Variants in TSNARE1 observed in about 807,000 individuals in gnomAD.
The protein encoded by TSNARE1 is t-SNARE domain-containing protein 1.
Under a neutral mutation model 62.0 loss-of-function variants are expected in TSNARE1, and 49 were observed. The observed-to-expected ratio is 0.79, with a 90% CI of 0.63 to 1.00. TSNARE1 has a LOEUF of 1.00. TSNARE1 is among the 50% of genes least tolerant of loss of function. The pLI is 0.00. For missense variants in TSNARE1, 755 were observed against 700.1 expected (o/e 1.08, Z -0.88); for synonymous variants, 328 against 294.4 (o/e 1.11, Z -1.17).
At chr8:142,330,007 G>A (rs1830781067) in intron 6 of TSNARE1, among the ~76,000 whole-genome samples, 1 of 152,230 alleles carries the variant, frequency 6.6e-6, no homozygotes, top group South Asian at 2.1e-4. Flanking sequence ...GGCCCTCCCG[G>A]CCTCCTCAGT....
At chr8:142,378,825 C>T (rs966672484) in intron 1 of TSNARE1, among the ~76,000 whole-genome samples, 7 of 152,168 alleles carry the variant, frequency 4.6e-5, no homozygotes, top group South Asian at 2.1e-4. Context: ...CCAACGGGCA[C>T]GGGTGTGTTG....
chr8:142,271,624 C>A (rs1282894770), intron 12 of TSNARE1: 2 of 1,427,482 alleles, frequency 1.4e-6, no homozygotes, highest in South Asian at 1.5e-5. Context: ...CAGGTTCAGG[C>A]AGGCTGGGCC....
At position 142,345,639 on chromosome 8, in the gene TSNARE1, G is replaced by GCCT. The variant is rs1833250150; in HGVS notation, c.238+101_238+103dup. Reference sequence around the variant, plus strand: ...GCAGGTCCCTTGCCTCCTGGTCCCAGCCTCCTCCCTGCAGCTCCCACCTGC... The same window carrying GCCT: ...GCAGGTCCCTTGCCTCCTGGTCCCAGCCTCCTCCTCCCTGCAGCTCCCACCTGC... On this transcript the variant is annotated intron_variant, in intron 3 of 13. Coordinates refer to ENST00000524325, the MANE Select transcript of TSNARE1 (RefSeq NM_145003.5). 6 of 1,367,772 alleles carry GCCT rather than the reference G, an allele frequency of 4.4e-6. No individual in the cohort carries two copies. In the South Asian group the frequency reaches 9.3e-5, roughly 21 times the overall value. The allele number at this position is 1,367,772 out of a possible 1,614,324, so 84.7% of individuals were successfully genotyped here. A position where few individuals can be genotyped will look rare whatever the true frequency, so the allele number is the denominator to read the frequency against.
chr8:142,308,755 C>T (rs868844627), intron 9 of TSNARE1, among the ~76,000 whole-genome samples: 1 of 152,114 alleles, frequency 6.6e-6, no homozygotes. Context: ...TTCATATTTC[C>T]ATATACATTT....
At chr8:142,359,332 G>A (rs1241425657) in intron 1 of TSNARE1, among the ~76,000 whole-genome samples, 2 of 152,144 alleles carry the variant, frequency 1.3e-5, no homozygotes, top group South Asian at 2.1e-4. Context: ...GCCCGCTGGA[G>A]CCGTCCTCAC....
chr8:142,274,345 G>A (rs985083463), intron 12 of TSNARE1: 1 of 985,334 alleles, frequency 1.0e-6, no homozygotes, highest in Non-Finnish European at 1.2e-6. Context: ...CCCACTTCAA[G>A]AAAATAAAGG....
At chr8:142,231,580 G>A (rs532624868) in intron 12 of TSNARE1, among the ~76,000 whole-genome samples, 2 of 152,316 alleles carry the variant, frequency 1.3e-5, no homozygotes, top group South Asian at 2.1e-4. Flanking sequence ...ACACATGACA[G>A]CGCCCATGGC....
At chr8:142,296,375 A>G (rs1330520061) in intron 10 of TSNARE1, among the ~76,000 whole-genome samples, 6 of 74,946 alleles carry the variant, frequency 8.0e-5, no homozygotes, top group Non-Finnish European at 1.5e-4. Context: ...AAGGGTGGTC[A>G]CTGTCATGGG....
chr8:142,354,666 C>T lies in TSNARE1; in HGVS notation c.59G>A (p.Gly20Glu), dbSNP rs141985023. ...GGGCTGACAGCCTTGTCTCGAAGGTCCCCCGAAAGGGCCACGGCTCCCCAG... is the reference window on the plus strand; with the variant it reads ...GGGCTGACAGCCTTGTCTCGAAGGTTCCCCGAAAGGGCCACGGCTCCCCAG... ...GGLGSRGPFG[G>E]PSRQGCQPLE... The change falls in exon 2 of 14, where the codon GGA (glycine) becomes GAA (glutamate). Residue 20 changes from glycine (G) to glutamate (E), a missense_variant. Gly to Glu is a moderately conservative substitution (Grantham distance 98). Transcript: ENST00000524325. 1.4e-5 allele frequency: 22 copies of T among 1,613,308 alleles called. No homozygotes were observed. The African/African-American group carries it at 2.5e-4, about 19-fold the overall frequency.
At chr8:142,276,565 G>C in intron 11 of TSNARE1, 1 of 985,446 alleles carries the variant, frequency 1.0e-6, no homozygotes, top group Non-Finnish European at 1.2e-6. Context: ...GGCCATGGTG[G>C]TCTGGGCTAA....
chr8:142,363,095 C>T (rs28403906), intron 1 of TSNARE1, among the ~76,000 whole-genome samples: 5,622 of 152,270 alleles, frequency 0.037, 358 homozygotes, highest in African/African-American at 0.13. Flanking sequence ...GCCGCCAGCA[C>T]GGAAGAGGAT....
intron 4 of TSNARE1, among the ~76,000 whole-genome samples, chr8:142,332,338 G>A (rs967219849): frequency 5.3e-5 from 8 of 152,152 alleles, no homozygotes; most frequent in African/African-American, 1.2e-4. Context: ...CACGCCGCAC[G>A]GTTCCACACA....
chr8:142,275,021 G>T, intron 11 of TSNARE1, 158 bp from the exon 12 acceptor site: 8 of 985,460 alleles, frequency 8.1e-6, no homozygotes, highest in Non-Finnish European at 8.4e-6. Flanking sequence ...CGTGCCGAGG[G>T]CTCCGCGTGG....
Position 142,344,046 on chromosome 8 carries a change from G to A in TSNARE1, c.665C>T (p.Thr222Met), listed in dbSNP as rs573390356. 61 of 1,591,572 alleles carry A rather than the reference G, an allele frequency of 3.8e-5. No individual in the cohort carries two copies. The highest frequency in any genetic ancestry group is 1.2e-4 in the South Asian group (11 of 88,396). The change falls in exon 4 of 14, where the codon ACG (threonine) becomes ATG (methionine). Residue 222 changes from threonine to methionine, a missense_variant. Thr to Met is a moderately conservative substitution (Grantham distance 81). Transcript: ENST00000524325. ...GSGKPQALALTPVEQVVAKTF... is the reference protein window; with the variant it reads ...GSGKPQALALMPVEQVVAKTF... Reference sequence around the variant, plus strand: ...CTTGGCCACCACCTGCTCCACGGGCGTGAGAGCCAGGGCCTGGGGCTTGCC... The same window carrying A: ...CTTGGCCACCACCTGCTCCACGGGCATGAGAGCCAGGGCCTGGGGCTTGCC...
At chr8:142,379,240 C>T (rs1002402048) in intron 1 of TSNARE1, among the ~76,000 whole-genome samples, 2 of 152,226 alleles carry the variant, frequency 1.3e-5, no homozygotes, top group African/African-American at 4.8e-5. Flanking sequence ...CAAGGACAGA[C>T]CGTCCGTCAC....
chr8:142,250,455 G>A (rs1174138556), intron 12 of TSNARE1, among the ~76,000 whole-genome samples: 1 of 152,156 alleles, frequency 6.6e-6, no homozygotes, highest in Non-Finnish European at 1.5e-5. Context: ...TGAGCCAGGG[G>A]AGAGGGAAAA....
At chr8:142,214,062 G>T (rs1275797546) in intron 13 of TSNARE1, among the ~76,000 whole-genome samples, 2 of 152,206 alleles carry the variant, frequency 1.3e-5, no homozygotes, top group Admixed American at 6.5e-5. Context: ...GTATGAGGGG[G>T]TCCTCAGGGC....
intron 12 of TSNARE1, among the ~76,000 whole-genome samples, chr8:142,263,420 G>A (rs1011383297): frequency 2.0e-5 from 3 of 152,232 alleles, no homozygotes; most frequent in African/African-American, 7.2e-5. Flanking sequence ...AACACTTCTG[G>A]TTGCAGTTTG....
chr8:142,352,721 G>A (rs1267002639), intron 2 of TSNARE1, among the ~76,000 whole-genome samples: 6 of 152,226 alleles, frequency 3.9e-5, no homozygotes, highest in African/African-American at 1.4e-4. Context: ...AACCTGCACA[G>A]CTCAGCAACA....
Sources: allele counts gnomAD v4.1 joint callset (sites outside exome capture counted in the v4.1 genomes callset), GRCh38; gene constraint gnomAD v4.1.1; transcripts MANE v1.5; gene names NCBI Gene and HGNC (gene_info 2026-07-23, HGNC 2026-07-21).